EHMT2: variants seen among roughly 807,000 people sequenced by gnomAD.
EHMT2 encodes the protein euchromatic histone lysine methyltransferase 2.
A neutral mutation model predicts 143.3 loss-of-function variants in EHMT2; 59 were observed. The ratio of observed to expected loss-of-function variants is 0.41; its 90% CI spans 0.33 to 0.51. EHMT2 has a LOEUF of 0.51. EHMT2 is among the 20% of genes least tolerant of loss of function. EHMT2 has a pLI of 0.18. For synonymous variants in EHMT2, 604 were observed against 651.5 expected, an observed-to-expected ratio of 0.93 and a Z score of 1.11; for missense variants, 1,174 against 1,645.9, an observed-to-expected ratio of 0.71 and a Z score of 4.96.
At chr6:31,885,946 G>T in intron 18 of EHMT2, 1 of 152,270 alleles carries the variant, frequency 6.6e-6, no homozygotes, top group Non-Finnish European at 1.5e-5. Context: ...AATTAGCCGG[G>T]CATGGTGGTG....
chr6:31,884,348 G>A lies in EHMT2; in HGVS notation c.2771+44C>T. ...AATGGAGCCTGGGGAGGGTATGGGT[G>A]GGGAGGAGGTGGTCTTGGGTGCAGA... On this transcript the variant is annotated intron_variant, in intron 21 of 27. Coordinates refer to ENST00000375537, the Ensembl canonical transcript of EHMT2. This position sits in a 1 kb window ranked among gnomAD's most constrained non-coding sequence, Gnocchi z 7.3. 2 of 1,578,572 alleles carry A rather than the reference G, an allele frequency of 1.3e-6. No individual in the cohort carries two copies. Among genetic ancestry groups the A allele is most frequent in the Non-Finnish European group, 1.7e-6 (2 of 1,162,014 alleles).
rs115290603 is a variant in EHMT2, at chr6:31,893,778, T to G, written c.583-868A>C. On this transcript the variant is annotated intron_variant, in intron 4 of 27. Transcript: ENST00000375537. The stretch of plus-strand genomic sequence containing the variant: ...AGGATAAATACTGTATGATTACACT[T>G]AGATAAAGTACTTACTCAAATTTAT... 1,006 of 188,576 alleles carry G rather than the reference T, an allele frequency of 5.3e-3. 12 individuals are homozygous for G. Among genetic ancestry groups the G allele is most frequent in the African/African-American group, 0.022 (962 of 42,796 alleles). 11.7% of individuals were successfully genotyped at this position (188,576 alleles called of 1,614,324 possible). A position where few individuals can be genotyped will look rare whatever the true frequency, so the allele number is the denominator to read the frequency against.
At chr6:31,892,874 G>A in exon 5 of EHMT2, 1 of 1,595,270 alleles carries the variant, frequency 6.3e-7, no homozygotes, top group Non-Finnish European at 8.5e-7. Flanking sequence ...ATGCGGAAAT[G>A]CTGTATTTCA....
intron 4 of EHMT2, among the ~76,000 whole-genome samples, chr6:31,895,135 T>C (rs1766214767): frequency 6.6e-6 from 1 of 152,226 alleles, no homozygotes; most frequent in Admixed American, 6.5e-5. Context: ...CAGGCAAAAT[T>C]GATCAGGCTC....
chr6:31,880,122 G>A lies in EHMT2; in HGVS notation c.3595C>T (p.Leu1199=). The A allele has an allele frequency of 1.2e-6, 2 of 1,612,910 alleles. No homozygotes were observed. The highest frequency in any genetic ancestry group is 1.7e-6 in the Non-Finnish European group (2 of 1,179,980). Residue 1199 remains leucine, a synonymous_variant, in exon 28 of 28, where the codon CTG becomes TTG. Transcript: ENST00000375537. This position sits in a 1 kb window ranked among gnomAD's most constrained non-coding sequence, Gnocchi z 6.6. Reference sequence around the variant, plus strand: ...GGGGGCAGGGAGCCGAGCTCGGGCAGCAGCTCAGGGTGTGGGTCCAGGCGG... The same window carrying A: ...GGGGGCAGGGAGCCGAGCTCGGGCAACAGCTCAGGGTGTGGGTCCAGGCGG...
At chr6:31,882,841 CA>C in intron 24 of EHMT2, 52 bp downstream of exon 24, 1 of 1,611,744 alleles carries the variant, frequency 6.2e-7, no homozygotes, top group Non-Finnish European at 8.5e-7. Flanking sequence ...GCCCCAGGGG[CA>C]GGGAGGAAAG....
At chr6:31,886,595 C>T (rs1157632786) in exon 18 of EHMT2, 1 of 1,612,772 alleles carries the variant, frequency 6.2e-7, no homozygotes, top group Non-Finnish European at 8.5e-7. Flanking sequence ...GCGTTGACGT[C>T]CACCTGTCCT....
Position 31,883,188 on chromosome 6 carries a change from C to T in EHMT2, c.2994+174G>A, listed in dbSNP as rs1289417785. ...CCTGGTTTGCATAGACCTGGGCACA[C>T]GCCCATCGCTGTCCCAGCCACATCC... On this transcript the variant is annotated intron_variant, in intron 23 of 27. Coordinates refer to ENST00000375537, the Ensembl canonical transcript of EHMT2. This position sits in a 1 kb window ranked among gnomAD's most constrained non-coding sequence, Gnocchi z 5.6. 13 of 853,016 alleles carry T rather than the reference C, an allele frequency of 1.5e-5. No individual in the cohort carries two copies. Among genetic ancestry groups the T allele is most frequent in the South Asian group, 3.2e-5 (2 of 61,746 alleles). 52.8% of individuals were successfully genotyped at this position (853,016 alleles called of 1,614,324 possible).
At chr6:31,894,164 G>A (rs1315014044) in intron 4 of EHMT2, among the ~76,000 whole-genome samples, 1 of 147,634 alleles carries the variant, frequency 6.8e-6, no homozygotes, top group East Asian at 2.0e-4. Flanking sequence ...TTTTTTTTTT[G>A]AGACAGAGTT....
Position 31,883,383 on chromosome 6 carries a change from G to A in EHMT2, c.2973C>T (p.Ser991=). 1 of 1,612,986 alleles carries A rather than the reference G, an allele frequency of 6.2e-7. No homozygotes were observed. ...GCACCTTGTCATACCAGCACCGGAT[G>A]CTGAGCTGGCCGCACAGGCAGTTGG... Residue 991 remains serine, a synonymous_variant, in exon 23 of 28, where the codon AGC becomes AGT. Coordinates refer to ENST00000375537, the Ensembl canonical transcript of EHMT2. This position sits in a 1 kb window ranked among gnomAD's most constrained non-coding sequence, Gnocchi z 5.6.
chr6:31,894,704 C>T (rs1157541465), intron 4 of EHMT2, among the ~76,000 whole-genome samples: 1 of 152,170 alleles, frequency 6.6e-6, no homozygotes, highest in Non-Finnish European at 1.5e-5. Flanking sequence ...CTCTGTTGCC[C>T]AGGCTGAACC....
Position 31,881,510 on chromosome 6 carries a change from C to A in EHMT2, c.3198-418G>T. The A allele has an allele frequency of 3.6e-6, 1 of 275,168 alleles. No homozygotes were observed. The highest frequency in any genetic ancestry group is 7.2e-6 in the Non-Finnish European group (1 of 139,344). 17.0% of individuals were successfully genotyped at this position (275,168 alleles called of 1,614,324 possible). The stretch of plus-strand genomic sequence containing the variant: ...AGGCATGATTCGGGGCAAGAGCACC[C>A]ACACATATCTGGACACCAGAGGGAG... On this transcript the variant is annotated intron_variant, in intron 25 of 27. Transcript: ENST00000375537. The surrounding 1 kb of genome is among the most constrained non-coding windows in gnomAD (Gnocchi z 4.8).
rs775146024 is a variant in EHMT2 at position 31,896,521 on chromosome 6, A to C, written c.329-5T>G. 56 of 1,612,200 alleles carry C rather than the reference A, an allele frequency of 3.5e-5. No individual in the cohort carries two copies. The highest frequency in any genetic ancestry group is 4.2e-6 in the Non-Finnish European group (5 of 1,179,608). On this transcript the variant is annotated splice_polypyrimidine_tract_variant and splice_region_variant and intron_variant, in intron 3 of 27. Transcript: ENST00000375537. ...GGAATGACTTTGTGGCATGGCCTAG[A>C]AAACAGGCAAGCAAAAGGCAAGATA... is the stretch of plus-strand genomic sequence containing the variant.
intron 1 of EHMT2, 177 bp from the exon 2 acceptor site, chr6:31,897,166 C>T (rs1164993291): frequency 1.5e-6 from 2 of 1,333,638 alleles, no homozygotes; most frequent in Admixed American, 3.6e-5. Flanking sequence ...CTCCCCCGGG[C>T]CCGCATCAAC....
intron 7 of EHMT2, among the ~76,000 whole-genome samples, chr6:31,891,193 C>T (rs1249491134): frequency 6.6e-6 from 1 of 152,164 alleles, no homozygotes; most frequent in Non-Finnish European, 1.5e-5. Flanking sequence ...GATCTGCCCG[C>T]CTTGGCCTCC....
rs746673755 is a variant in EHMT2, at chr6:31,883,049, C to T, written c.2995-40G>A. The T allele has an allele frequency of 3.2e-6, 5 of 1,567,478 alleles. No homozygotes were observed. The South Asian group carries it at 3.4e-5, about 11-fold the overall frequency. ...GGAGGATAGTGGTTTCTCTGTGGGG[C>T]CCACCTCAGCTGCCCACCCAGGAAC... On this transcript the variant is annotated intron_variant, in intron 23 of 27. Transcript: ENST00000375537. The surrounding 1 kb of genome is among the most constrained non-coding windows in gnomAD (Gnocchi z 5.6).
rs745465245 is a variant in EHMT2, at chr6:31,889,531, CTCT to C, written c.933_935del (p.Glu323del). On this transcript the variant is annotated inframe_deletion, in exon 8 of 28. Transcript: ENST00000375537. This position sits in a 1 kb window ranked among gnomAD's most constrained non-coding sequence, Gnocchi z 5.1. ...CTTCTTCCTCTTCCTCCTCCTCTTC[CTCT>C]TCTTCTTCTTCCTCCTCTTCCTCCT... is the stretch of plus-strand genomic sequence containing the variant. 2.0e-4 allele frequency: 317 copies of C among 1,611,098 alleles called. 2 individuals carry two copies. Among genetic ancestry groups the C allele is most frequent in the African/African-American group, 4.4e-4 (33 of 74,980 alleles).
Position 31,881,599 on chromosome 6 carries a change from G to A in EHMT2, c.3198-507C>T, listed in dbSNP as rs987268942. The A allele has an allele frequency of 2.7e-5, 5 of 183,810 alleles. No homozygotes were observed. The East Asian group carries it at 3.8e-4, about 14-fold the overall frequency. The allele number at this position is 183,810 out of a possible 1,614,324, so 11.4% of individuals were successfully genotyped here. On this transcript the variant is annotated intron_variant, in intron 25 of 27. Coordinates refer to ENST00000375537, the Ensembl canonical transcript of EHMT2. This position sits in a 1 kb window ranked among gnomAD's most constrained non-coding sequence, Gnocchi z 4.8. ...GGAGATTCAGACACACGGAGAGGACGTGGGTGGGAAGTGACTGTCAAGAGA... is the reference window on the plus strand; with the variant it reads ...GGAGATTCAGACACACGGAGAGGACATGGGTGGGAAGTGACTGTCAAGAGA...
Position 31,888,637 on chromosome 6 carries a change from C to T in EHMT2, c.1327G>A (p.Gly443Arg). The change falls in exon 11 of 28, where the codon GGG becomes AGG. Residue 443 changes from glycine (G) to arginine (R), a missense_variant. Around this residue, in one of 6 missense-constraint regions of EHMT2, gnomAD observed 608 missense variants for 903.7 expected, o/e 0.67. Coordinates refer to ENST00000375537, the Ensembl canonical transcript of EHMT2. The surrounding 1 kb of genome is among the most constrained non-coding windows in gnomAD (Gnocchi z 7.4). ...CTCTCAGTGGCCATGCACTTGTGCC[C>T]CGCCCTCTCGCTGATGCGGTCAATC... 1 of 1,613,578 alleles carries T rather than the reference C, an allele frequency of 6.2e-7. No homozygotes were observed. Among genetic ancestry groups the T allele is most frequent in the Non-Finnish European group, 8.5e-7 (1 of 1,180,004 alleles).
Sources: gnomAD v4.1 joint callset for allele counts (sites outside exome capture counted in the v4.1 genomes callset) on GRCh38, gnomAD v4.1.1 for gene constraint, gnomAD v4.1.1 regional missense constraint, Gnocchi (gnomAD v3.1) non-coding constraint, MANE v1.5 for transcripts, NCBI Gene and HGNC (gene_info 2026-07-23, HGNC 2026-07-21) for gene names.